The following GK5 variants were observed in gnomAD, a reference collection of about 807,000 sequenced individuals.
GK5 encodes glycerol kinase 5, also known as ATP:glycerol 3-phosphotransferase 5.
Under a neutral mutation model 77.3 loss-of-function variants are expected in GK5, and 39 were observed. That is an observed-to-expected ratio of 0.50 (90% CI 0.39 to 0.66). The LOEUF is 0.66. GK5 is among the 30% of genes least tolerant of loss of function. The probability of loss-of-function intolerance (pLI) is 0.00; values close to 1 mark genes in which losing one functional copy is unlikely to be tolerated. For missense variants in GK5, 487 were observed against 633.8 expected (o/e 0.77, Z 2.49); for synonymous variants, 211 against 208.0 (o/e 1.01, Z -0.13).
Position 142,225,468 on chromosome 3 carries a change from C to A in GK5, c.-13G>T. 2 of 1,599,642 alleles carry A rather than the reference C, an allele frequency of 1.3e-6. No homozygotes were observed. The highest frequency in any genetic ancestry group is 1.1e-5 in the South Asian group (1 of 89,504). On this transcript the variant is annotated 5_prime_UTR_variant, in exon 1 of 16. Coordinates refer to ENST00000392993, the MANE Select transcript of GK5 (RefSeq NM_001039547.3). ...GCAGCCCCGACATCCCGATCCCGCA[C>A]GCCTCTCCGCTACAGCCGCCTACCC...
chr3:142,222,643 C>T (rs1463208495), intron 1 of GK5, among the ~76,000 whole-genome samples: 4 of 152,002 alleles, frequency 2.6e-5, no homozygotes, highest in Admixed American at 2.6e-4. Flanking sequence ...TGCAGTAACT[C>T]GTGCCTGTAA....
intron 5 of GK5, 28 bp downstream of exon 5, chr3:142,198,774 T>G: frequency 6.3e-7 from 1 of 1,582,654 alleles, no homozygotes; most frequent in Non-Finnish European, 8.6e-7. Context: ...ACACACATAT[T>G]TTCCACATAC....
chr3:142,192,866 A>G (rs2063872981), intron 5 of GK5, among the ~76,000 whole-genome samples: 1 of 152,210 alleles, frequency 6.6e-6, no homozygotes, highest in Non-Finnish European at 1.5e-5. Context: ...ACAAAAATAC[A>G]TGGAGAAACC....
intron 5 of GK5, among the ~76,000 whole-genome samples, chr3:142,188,120 G>C (rs948490019): frequency 1.3e-5 from 2 of 152,134 alleles, no homozygotes; most frequent in East Asian, 1.9e-4. Flanking sequence ...TAGTCGGCTG[G>C]GTGCGTTGGC....
At chr3:142,221,216 T>A (rs2064342565) in intron 1 of GK5, among the ~76,000 whole-genome samples, 1 of 152,204 alleles carries the variant, frequency 6.6e-6, no homozygotes, top group Admixed American at 6.5e-5. Flanking sequence ...AGTGAGCTCA[T>A]CAAAAAAACA....
At chr3:142,193,499 A>G (rs2063885237) in intron 5 of GK5, among the ~76,000 whole-genome samples, 1 of 150,248 alleles carries the variant, frequency 6.7e-6, no homozygotes, top group African/African-American at 2.4e-5. Flanking sequence ...AAAAAAAACA[A>G]AAAAAAAAGC....
At position 142,177,590 on chromosome 3, in the gene GK5, C is replaced by G. The variant is rs2063634240; in HGVS notation, c.1049-14G>C. The G allele has an allele frequency of 6.5e-7, 1 of 1,548,350 alleles. No individual in the cohort carries two copies. The highest frequency in any genetic ancestry group is 8.9e-7 in the Non-Finnish European group (1 of 1,129,058). Reference sequence around the variant, plus strand: ...CTGTGAAAAGGTCTGCAAAAACAAACAAACAACAAAAAACCCTAAAACAAA... The same window carrying G: ...CTGTGAAAAGGTCTGCAAAAACAAAGAAACAACAAAAAACCCTAAAACAAA... On this transcript the variant is annotated splice_polypyrimidine_tract_variant and intron_variant, in intron 11 of 15. Transcript: ENST00000392993.
intron 9 of GK5, chr3:142,185,329 C>T (rs1577119774): frequency 2.9e-6 from 1 of 350,718 alleles, no homozygotes. Flanking sequence ...GGAAGAATCA[C>T]CTGAGCCCAG....
chr3:142,207,713 G>A (rs2064130036), intron 3 of GK5, among the ~76,000 whole-genome samples: 1 of 152,168 alleles, frequency 6.6e-6, no homozygotes, highest in African/African-American at 2.4e-5. Flanking sequence ...CGCAGGACCA[G>A]AAGGCGGTGA....
chr3:142,186,309 A>T lies in GK5; in HGVS notation c.682-42T>A, dbSNP rs373740674. On this transcript the variant is annotated intron_variant, in intron 7 of 15. Transcript: ENST00000392993. Reference sequence around the variant, plus strand: ...ATCATCAGAATATACATATTTACATATATCAAACCTCTAAACATATATCAA... The same window carrying T: ...ATCATCAGAATATACATATTTACATTTATCAAACCTCTAAACATATATCAA... 4.0e-6 allele frequency: 5 copies of T among 1,249,944 alleles called. No individual in the cohort carries two copies. In the African/African-American group the frequency reaches 5.9e-5, roughly 15 times the overall value. The allele number at this position is 1,249,944 out of a possible 1,614,324, so 77.4% of individuals were successfully genotyped here.
In GK5 at chr3:142,225,468, C is replaced by G; in HGVS notation, c.-13G>C. On this transcript the variant is annotated 5_prime_UTR_variant, in exon 1 of 16. Transcript: ENST00000392993. ...GCAGCCCCGACATCCCGATCCCGCA[C>G]GCCTCTCCGCTACAGCCGCCTACCC... The G allele has an allele frequency of 1.3e-6, 2 of 1,599,644 alleles. No individual in the cohort carries two copies. The highest frequency in any genetic ancestry group is 1.1e-5 in the South Asian group (1 of 89,506).
At chr3:142,184,944 T>G in intron 9 of GK5, 1 of 985,454 alleles carries the variant, frequency 1.0e-6, no homozygotes, top group Non-Finnish European at 1.2e-6. Context: ...TATGCCTAGA[T>G]TGAATAAGAC....
At position 142,159,853 on chromosome 3, in the gene GK5, C is replaced by CTCTTTTTTTTTTTTTTT. The variant is rs1553825247; in HGVS notation, c.*5768_*5769insAAAAAAAAAAAAAAAGA. On this transcript the variant is annotated 3_prime_UTR_variant, in exon 16 of 16. Coordinates refer to ENST00000392993, the MANE Select transcript of GK5 (RefSeq NM_001039547.3). ...TTTCTCTCTCTCTCTCTCTCTCTCT[C>CTCTTTTTTTTTTTTTTT]TTTTTTTTTTTTGAGACAGAGTCTC... 9.4e-6 allele frequency: 1 copy of CTCTTTTTTTTTTTTTTT among 106,122 alleles called. No individual in the cohort carries two copies. The highest frequency in any genetic ancestry group is 4.1e-5 in the African/African-American group (1 of 24,252). The allele number at this position is 106,122 out of a possible 1,614,324, so 6.6% of individuals were successfully genotyped here.
At chr3:142,177,597 C>G in intron 11 of GK5, 21 bp from the exon 12 acceptor site, 1 of 1,463,128 alleles carries the variant, frequency 6.8e-7, no homozygotes, top group Non-Finnish European at 9.5e-7. Context: ...AAACAAACAA[C>G]AAAAAACCCT....
chr3:142,170,607 T>C, intron 14 of GK5, 149 bp from the exon 15 acceptor site: 1 of 649,534 alleles, frequency 1.5e-6, no homozygotes, highest in Non-Finnish European at 2.6e-6. Flanking sequence ...ATTAACCTAA[T>C]GACAGAGAAC....
intron 9 of GK5, chr3:142,185,706 A>G: frequency 6.8e-7 from 1 of 1,466,154 alleles, no homozygotes; most frequent in South Asian, 1.3e-5. Context: ...AGAAAAGGTT[A>G]TAAAGTACTT....
At chr3:142,171,334 T>C in intron 14 of GK5, 85 bp downstream of exon 14, 1 of 1,239,018 alleles carries the variant, frequency 8.1e-7, no homozygotes, top group Non-Finnish European at 1.1e-6. Context: ...ATTCAGGATC[T>C]AAAAAAGAAA....
At chr3:142,225,211 G>A in intron 1 of GK5, 98 bp downstream of exon 1, 1 of 1,306,758 alleles carries the variant, frequency 7.7e-7, no homozygotes, top group Non-Finnish European at 1.0e-6. Flanking sequence ...CCGCGTCCAG[G>A]GCGGTAGGTG....
intron 12 of GK5, 70 bp from the exon 13 acceptor site, chr3:142,172,526 A>G: frequency 5.6e-6 from 4 of 720,354 alleles, no homozygotes; most frequent in Non-Finnish European, 7.0e-6. Context: ...AGGAAATACT[A>G]TACAACAACA....
Sources: allele counts gnomAD v4.1 joint callset (sites outside exome capture counted in the v4.1 genomes callset), GRCh38; gene constraint gnomAD v4.1.1; transcripts MANE v1.5; gene names NCBI Gene and HGNC (gene_info 2026-07-23, HGNC 2026-07-21).